The following C19orf38 variants were observed in gnomAD, a reference collection of about 807,000 sequenced individuals.
The protein encoded by C19orf38 is protein HIDE1.
In C19orf38, 14 loss-of-function variants were observed where a neutral mutation model predicts 26.6. That is an observed-to-expected ratio of 0.53 (90% CI 0.35 to 0.82). The LOEUF (loss-of-function observed/expected upper bound fraction) is 0.82, where lower values mean the gene tolerates loss of function less well. Among genes scored for constraint, C19orf38 ranks in the 40% least tolerant of loss-of-function variants. The pLI is 0.01. For synonymous variants in C19orf38, 132 were observed against 128.5 expected (o/e 1.03, Z -0.18); for missense variants, 261 against 299.5 (o/e 0.87, Z 0.95).
intron 6 of C19orf38, among the ~76,000 whole-genome samples, chr19:10,866,702 T>C (rs947555594): frequency 3.3e-5 from 5 of 151,238 alleles, no homozygotes; most frequent in African/African-American, 9.7e-5. Context: ...CAGGCTGGAG[T>C]GCAGTGGTGC....
chr19:10,860,728 C>G (rs2073689514), intron 5 of C19orf38, among the ~76,000 whole-genome samples: 1 of 150,324 alleles, frequency 6.7e-6, no homozygotes, highest in Admixed American at 6.7e-5. Context: ...GTAGTCCCAG[C>G]TGCTCAGGAG....
chr19:10,837,986 T>A (rs2073449533), intron 1 of C19orf38, among the ~76,000 whole-genome samples: 1 of 151,760 alleles, frequency 6.6e-6, no homozygotes, highest in South Asian at 2.1e-4. Context: ...GACATGAGGT[T>A]TCCCTGTGTT....
At chr19:10,837,837 T>G (rs1184964288) in intron 1 of C19orf38, among the ~76,000 whole-genome samples, 1 of 152,112 alleles carries the variant, frequency 6.6e-6, no homozygotes. Context: ...TCTTGCTCTG[T>G]TGCCCAGGCT....
chr19:10,869,208 A>G lies in C19orf38; in HGVS notation c.544-10A>G. On this transcript the variant is annotated splice_polypyrimidine_tract_variant and intron_variant, in intron 6 of 6. Coordinates refer to ENST00000397820, the MANE Select transcript of C19orf38 (RefSeq NM_001136482.3). ...CACCCACTTCTGTGTTTCTTCTTAC[A>G]TGGACAAAGAAAACGATGCCAGAAG... 2 of 1,551,644 alleles carry G rather than the reference A, an allele frequency of 1.3e-6. No homozygotes were observed. The highest frequency in any genetic ancestry group is 1.2e-5 in the South Asian group (1 of 84,066).
intron 6 of C19orf38, 106 bp downstream of exon 6, chr19:10,863,313 A>T (rs1417738315): frequency 6.3e-6 from 8 of 1,277,726 alleles, no homozygotes; most frequent in Non-Finnish European, 7.7e-6. Flanking sequence ...GCTGTCTCTA[A>T]GCTGCGGGGG....
chr19:10,845,752 G>T (rs1433687625), upstream of C19orf38, among the ~76,000 whole-genome samples: 1 of 151,896 alleles, frequency 6.6e-6, no homozygotes, highest in African/African-American at 2.4e-5. Flanking sequence ...GGTGGTGGGT[G>T]CCTGTAGTCC....
intron 6 of C19orf38, among the ~76,000 whole-genome samples, chr19:10,866,445 A>C (rs1237797845): frequency 6.8e-6 from 1 of 147,952 alleles, no homozygotes; most frequent in East Asian, 2.0e-4. Context: ...ACCTCAAATG[A>C]TCCACCTGCC....
At position 10,869,272 on chromosome 19, in the gene C19orf38, G is replaced by C. The variant is rs1223759733; in HGVS notation, c.598G>C (p.Ala200Pro). The change falls in exon 7 of 7, where the codon GCC (alanine) becomes CCC (proline). Residue 200 changes from alanine to proline, a missense_variant. Transcript: ENST00000397820. ...CTTGGATGATCACTCAGGCACCACT[G>C]CCACCCCCAGCAACTCCAGGACCCG... ...ATLDDHSGTTATPSNSRTRKR... is the reference protein window; with the variant it reads ...ATLDDHSGTTPTPSNSRTRKR... The C allele has an allele frequency of 6.4e-7, 1 of 1,551,532 alleles. No homozygotes were observed. Among genetic ancestry groups the C allele is most frequent in the African/African-American group, 1.4e-5 (1 of 73,036 alleles).
At chr19:10,865,661 C>T (rs2073744756) in intron 6 of C19orf38, among the ~76,000 whole-genome samples, 1 of 152,112 alleles carries the variant, frequency 6.6e-6, no homozygotes, top group Admixed American at 6.6e-5. Flanking sequence ...GTATGAAAAG[C>T]ATTCACATGT....
At position 10,869,665 on chromosome 19, in the gene C19orf38, T is replaced by TAG. The variant is rs1391328566; in HGVS notation, c.*298_*299insAG. On this transcript the variant is annotated 3_prime_UTR_variant, in exon 7 of 7. Coordinates refer to ENST00000397820, the MANE Select transcript of C19orf38 (RefSeq NM_001136482.3). ...CAGCTGGGCCATAAGACGTCCCAGGTCTCTGCACACCCGTGGAATTCCTCC... is the reference window on the plus strand; with the variant it reads ...CAGCTGGGCCATAAGACGTCCCAGGTAGCTCTGCACACCCGTGGAATTCCTCC... The TAG allele has an allele frequency of 5.0e-6, 2 of 396,832 alleles. No individual in the cohort carries two copies. The highest frequency in any genetic ancestry group is 9.0e-6 in the Non-Finnish European group (2 of 221,958). 24.6% of individuals were successfully genotyped at this position (396,832 alleles called of 1,614,324 possible). A position where few individuals can be genotyped will look rare whatever the true frequency, so the allele number is the denominator to read the frequency against.
At chr19:10,862,171 ATT>A (rs2073704955) in intron 5 of C19orf38, among the ~76,000 whole-genome samples, 1 of 144,152 alleles carries the variant, frequency 6.9e-6, no homozygotes, top group African/African-American at 2.6e-5. Context: ...AAGTGCTGGG[ATT>A]ACAGGCATGA....
intron 5 of C19orf38, among the ~76,000 whole-genome samples, chr19:10,861,977 C>CA: frequency 6.6e-6 from 1 of 152,208 alleles, no homozygotes; most frequent in South Asian, 2.1e-4. Flanking sequence ...GGGCTCACTG[C>CA]AAGCTCTGCC....
intron 3 of C19orf38, among the ~76,000 whole-genome samples, chr19:10,857,350 A>ATG (rs2073636960): frequency 1.3e-5 from 1 of 74,178 alleles, no homozygotes; most frequent in African/African-American, 1.2e-4. Context: ...ATATATATAT[A>ATG]TATATATATA....
chr19:10,840,717 C>T lies in C19orf38; in HGVS notation c.-69+3947C>T, dbSNP rs577527816. On this transcript the variant is annotated intron_variant, in intron 1 of 7. Transcript: ENST00000592854. ...TATTTTTAGTAGAGACGTGGTTTCA[C>T]CATGTTGGCCAGGATGGTCTCAATC... Among the ~76,000 whole-genome samples the T allele has an allele frequency of 2.6e-5, 4 of 152,152 alleles. No individual in the cohort carries two copies. The South Asian group carries it at 8.3e-4, about 32-fold the overall frequency.
intron 1 of C19orf38, among the ~76,000 whole-genome samples, chr19:10,838,619 C>G (rs1323994528): frequency 6.6e-6 from 1 of 152,012 alleles, no homozygotes; most frequent in Admixed American, 6.6e-5. Flanking sequence ...GAACAAGGAC[C>G]AGGACACACA....
intron 4 of C19orf38, 45 bp from the exon 5 acceptor site, chr19:10,859,870 G>C: frequency 6.5e-7 from 1 of 1,537,698 alleles, no homozygotes; most frequent in Non-Finnish European, 8.8e-7. Context: ...CCTGACTCAA[G>C]GGGCAACCCT....
At chr19:10,862,720 T>G (rs1432077394) in intron 5 of C19orf38, among the ~76,000 whole-genome samples, 2 of 151,900 alleles carry the variant, frequency 1.3e-5, no homozygotes, top group Admixed American at 1.3e-4. Context: ...ATCCCAGCTA[T>G]TAGGAGGCTG....
Position 10,851,825 on chromosome 19 carries a change from G to A in C19orf38, c.340+1258G>A, listed in dbSNP as rs369403567. The stretch of plus-strand genomic sequence containing the variant: ...CTACTAAAAATACAAAAAATTAGCC[G>A]GGCGCGGTGGCGGGCACCTGTAGTC... On this transcript the variant is annotated intron_variant, in intron 2 of 6. Transcript: ENST00000397820. Among the ~76,000 whole-genome samples the A allele has an allele frequency of 4.0e-3, 612 of 151,958 alleles. 9 individuals are homozygous for A. The highest frequency in any genetic ancestry group is 0.029 in the South Asian group (141 of 4,800).
rs2073650515 is a variant in C19orf38, at chr19:10,858,218, ACT to A, written c.434-95_434-94del. The A allele has an allele frequency of 5.7e-6, 6 of 1,049,232 alleles. No homozygotes were observed. In the South Asian group the frequency reaches 8.1e-5, roughly 14 times the overall value. The allele number at this position is 1,049,232 out of a possible 1,614,324, so 65.0% of individuals were successfully genotyped here. A position where few individuals can be genotyped will look rare whatever the true frequency, so the allele number is the denominator to read the frequency against. ...ACTCCAGCCTGGGTGAAAGAATGAG[ACT>A]CTGTCTAAAAAAAAAAAAAAAAAAA... On this transcript the variant is annotated intron_variant, in intron 3 of 6. Coordinates refer to ENST00000397820, the MANE Select transcript of C19orf38 (RefSeq NM_001136482.3).
Sources: allele counts gnomAD v4.1 joint callset (sites outside exome capture counted in the v4.1 genomes callset), GRCh38; gene constraint gnomAD v4.1.1; transcripts MANE v1.5; gene names NCBI Gene and HGNC (gene_info 2026-07-23, HGNC 2026-07-21).